The following PURG variants were observed in gnomAD, a reference collection of about 807,000 sequenced individuals.
PURG encodes the protein purine-rich element-binding protein gamma.
In PURG, 3 loss-of-function variants were observed where a neutral mutation model predicts 24.3. The ratio of observed to expected loss-of-function variants is 0.12; its 90% CI spans 0.06 to 0.32. The LOEUF is 0.32. PURG is among the 10% of genes least tolerant of loss of function. PURG has a pLI of 1.00. For missense variants in PURG, 371 were observed against 439.1 expected (o/e 0.84, Z 1.39); for synonymous variants, 180 against 173.1 (o/e 1.04, Z -0.31).
chr8:31,016,581 C>CAAAAAAA (rs11433207), intron 1 of PURG, among the ~76,000 whole-genome samples: 1,180 of 57,534 alleles, frequency 0.021, 90 homozygotes, highest in South Asian at 0.026. Context: ...TACCAAGAAC[C>CAAAAAAA]AAAAAAAAAA....
At chr8:31,007,220 T>C (rs1435110910) in intron 1 of PURG, among the ~76,000 whole-genome samples, 1 of 152,012 alleles carries the variant, frequency 6.6e-6, no homozygotes, top group Non-Finnish European at 1.5e-5. Context: ...GAAAATAGAG[T>C]TCTAAGAGCT....
At chr8:31,014,718 T>C (rs980883748) in intron 1 of PURG, among the ~76,000 whole-genome samples, 1 of 152,216 alleles carries the variant, frequency 6.6e-6, no homozygotes, top group Non-Finnish European at 1.5e-5. Flanking sequence ...CGTTATAAAG[T>C]GTTATGGTAA....
intron 1 of PURG, among the ~76,000 whole-genome samples, chr8:31,001,977 C>T (rs1387291701): frequency 6.6e-6 from 1 of 152,206 alleles, no homozygotes; most frequent in Non-Finnish European, 1.5e-5. Flanking sequence ...CTCATCTTTA[C>T]CTTTGCCAAA....
At chr8:31,013,807 G>T (rs1810806726) in intron 1 of PURG, among the ~76,000 whole-genome samples, 1 of 152,140 alleles carries the variant, frequency 6.6e-6, no homozygotes, top group African/African-American at 2.4e-5. Context: ...TTGAGGGGAG[G>T]TTAAGTTCTG....
In PURG at chr8:31,031,885, T is replaced by C. The variant is rs199699764; in HGVS notation, c.898A>G (p.Ile300Val). The C allele has an allele frequency of 3.1e-6, 5 of 1,613,878 alleles. No individual in the cohort carries two copies. The East Asian group carries it at 6.7e-5, about 22-fold the overall frequency. ...SEVRPPYRNT[I>V]TVPFKAWTRF... is the part of the protein sequence containing the mutation. ...GTCCAAGCTTTGAATGGAACAGTAA[T>C]AGTATTACGGTAAGGTGGTCTCACC... The change falls in exon 2 of 2, where the codon ATT becomes GTT. Residue 300 changes from isoleucine to valine, a missense_variant. Around this residue, in one of 5 missense-constraint regions of PURG, gnomAD observed 103 missense variants for 127.7 expected, o/e 0.81. Transcript: ENST00000523392.
chr8:30,996,604 C>G, exon 2 of PURG: 1 of 1,605,710 alleles, frequency 6.2e-7, no homozygotes. Context: ...TATTCCTCAA[C>G]TGTTTTTGTA....
At chr8:31,002,353 T>G (rs756098499) in intron 1 of PURG, among the ~76,000 whole-genome samples, 4 of 152,200 alleles carry the variant, frequency 2.6e-5, no homozygotes, top group Non-Finnish European at 4.4e-5. Flanking sequence ...TCAAAATATA[T>G]TTTCTTTTAA....
intron 1 of PURG, among the ~76,000 whole-genome samples, chr8:31,005,193 G>T (rs1178639116): frequency 1.3e-5 from 2 of 152,120 alleles, no homozygotes; most frequent in Non-Finnish European, 2.9e-5. Context: ...AGCACTTTGG[G>T]AGGCTGAGAT....
chr8:31,023,414 G>C (rs1316646671), intron 1 of PURG, among the ~76,000 whole-genome samples: 1 of 152,044 alleles, frequency 6.6e-6, no homozygotes, highest in African/African-American at 2.4e-5. Flanking sequence ...GAGAGGTCTA[G>C]GGAGAAACAT....
chr8:31,026,973 G>A (rs928345159), downstream of PURG, among the ~76,000 whole-genome samples: 4 of 151,508 alleles, frequency 2.6e-5, no homozygotes, highest in Admixed American at 6.6e-5. Flanking sequence ...GAGTTACTGT[G>A]ATCTGAAAAC....
intron 1 of PURG, among the ~76,000 whole-genome samples, chr8:31,019,097 C>T (rs1324453494): frequency 9.2e-6 from 1 of 108,602 alleles, no homozygotes; most frequent in Non-Finnish European, 1.7e-5. Flanking sequence ...GCACTCCAGC[C>T]TGGGTGACAG....
intron 1 of PURG, among the ~76,000 whole-genome samples, chr8:31,018,407 C>T (rs1042504232): frequency 1.9e-4 from 29 of 152,266 alleles, no homozygotes; most frequent in South Asian, 1.2e-3. Flanking sequence ...ACATTCAGTG[C>T]GTGCCTAAAT....
intron 1 of PURG, among the ~76,000 whole-genome samples, chr8:31,003,615 A>G (rs1810584099): frequency 6.6e-6 from 1 of 152,150 alleles, no homozygotes; most frequent in South Asian, 2.1e-4. Flanking sequence ...TACAAAAATT[A>G]GCTGGGCATG....
rs1421002518 is a variant in PURG at position 31,032,097 on chromosome 8, ATTCC to A, written c.682_685del (p.Gly228Ter). The A allele has an allele frequency of 6.2e-7, 1 of 1,614,162 alleles. No homozygotes were observed. The highest frequency in any genetic ancestry group is 1.1e-5 in the South Asian group (1 of 91,084). ...AACCAAGGCATCACGAAACTCAATC[ATTCC>A]TTGTGCTGGGAGGACAATAGTCTGT... On this transcript the variant is annotated frameshift_variant, in exon 2 of 2. Transcript: ENST00000523392. LOFTEE classifies it high-confidence loss of function. This position sits in a 1 kb window ranked among gnomAD's most constrained non-coding sequence, Gnocchi z 5.9.
downstream of PURG, among the ~76,000 whole-genome samples, chr8:31,029,437 ATTTATC>A (rs759339849): frequency 6.6e-5 from 10 of 151,884 alleles, no homozygotes; most frequent in African/African-American, 1.7e-4. Context: ...AGTTAAAGAT[ATTTATC>A]TTTAAGTCTG....
intron 1 of PURG, among the ~76,000 whole-genome samples, chr8:31,010,327 G>A (rs1441901373): frequency 6.6e-6 from 1 of 152,092 alleles, no homozygotes; most frequent in Non-Finnish European, 1.5e-5. Flanking sequence ...GCTCAGGCAG[G>A]GAGTCTTAAG....
At chr8:31,028,100 C>T (rs896876667), downstream of PURG, among the ~76,000 whole-genome samples, 1 of 151,630 alleles carries the variant, frequency 6.6e-6, no homozygotes, top group African/African-American at 2.4e-5. Context: ...TAGACAAATT[C>T]CCCAAATTAA....
intron 1 of PURG, among the ~76,000 whole-genome samples, chr8:31,009,143 G>A (rs1388800620): frequency 2.0e-5 from 3 of 152,020 alleles, no homozygotes; most frequent in Non-Finnish European, 2.9e-5. Context: ...AGAATAATTC[G>A]GACAGGTGCA....
intron 1 of PURG, among the ~76,000 whole-genome samples, chr8:30,999,540 T>C (rs1213861614): frequency 1.3e-5 from 2 of 151,914 alleles, no homozygotes; most frequent in African/African-American, 2.4e-5. Flanking sequence ...AGTCTTAAAA[T>C]TGGGTTTGAT....
Sources: allele counts gnomAD v4.1 joint callset (sites outside exome capture counted in the v4.1 genomes callset), GRCh38; gene constraint gnomAD v4.1.1; regional missense constraint gnomAD v4.1.1; non-coding constraint Gnocchi (gnomAD v3.1); transcripts MANE v1.5; gene names NCBI Gene and HGNC (gene_info 2026-07-23, HGNC 2026-07-21).